Variants in SEMA3E observed in about 807,000 individuals in gnomAD.
SEMA3E encodes the protein semaphorin-3E.
A neutral mutation model predicts 93.6 loss-of-function variants in SEMA3E; 49 were observed. That is an observed-to-expected ratio of 0.52 (90% confidence interval 0.42 to 0.66). The LOEUF (loss-of-function observed/expected upper bound fraction) is 0.66. Among genes scored for constraint, SEMA3E ranks in the 30% least tolerant of loss-of-function variants. The pLI is 0.00. For synonymous variants in SEMA3E, 363 were observed against 330.7 expected, an observed-to-expected ratio of 1.10 and a Z score of -1.06; for missense variants, 906 against 964.8, an observed-to-expected ratio of 0.94 and a Z score of 0.81.
At chr7:83,501,975 C>A (rs1790606119) in intron 1 of SEMA3E, among the ~76,000 whole-genome samples, 1 of 152,088 alleles carries the variant, frequency 6.6e-6, no homozygotes, top group African/African-American at 2.4e-5. Context: ...CTTGAGCAGC[C>A]AAGTCCTAAT....
chr7:83,631,331 C>T (rs1345752326), intron 1 of SEMA3E, among the ~76,000 whole-genome samples: 1 of 151,942 alleles, frequency 6.6e-6, no homozygotes, highest in Non-Finnish European at 1.5e-5. Flanking sequence ...CTACATCATC[C>T]AGGGAAGCCA....
rs1222362716 is a variant in SEMA3E, at chr7:83,421,488, TA to T, written c.457-3006del. Among the ~76,000 whole-genome samples, 61 of 123,246 alleles carry T rather than the reference TA, an allele frequency of 4.9e-4. 9 individuals are homozygous for T. The highest frequency in any genetic ancestry group is 1.5e-3 in the African/African-American group (56 of 37,900). 80.9% of individuals were successfully genotyped at this position (123,246 alleles called of 152,430 possible). On this transcript the variant is annotated intron_variant, in intron 4 of 16. Coordinates refer to ENST00000643230, the MANE Select transcript of SEMA3E (RefSeq NM_012431.3). ...TTAAGTATACTACAAGTGGTGTGGG[TA>T]AAAAAAGTAGTTTAGAAAAGTGACA...
chr7:83,399,176 T>C (rs921753576), intron 11 of SEMA3E, among the ~76,000 whole-genome samples: 10 of 152,160 alleles, frequency 6.6e-5, no homozygotes, highest in African/African-American at 2.2e-4. Context: ...AATTATACTA[T>C]GCTGAATAAG....
chr7:83,609,296 G>GA (rs1279909901), intron 1 of SEMA3E, among the ~76,000 whole-genome samples: 1 of 151,786 alleles, frequency 6.6e-6, no homozygotes, highest in African/African-American at 2.4e-5. Context: ...ACATTTACTA[G>GA]AAAAAAATTA....
rs1794696118 is a variant in SEMA3E at position 83,367,888 on chromosome 7, C to T, written c.2026G>A (p.Glu676Lys). 3.1e-6 allele frequency: 5 copies of T among 1,610,812 alleles called. No homozygotes were observed. Among genetic ancestry groups the T allele is most frequent in the Non-Finnish European group, 4.2e-6 (5 of 1,177,782 alleles). The part of the protein sequence containing the change: ...RKITLEVVEE[E>K]KVEDMFNKDD... ...TTGTTAAACATATCCTCGACTTTCT[C>T]CTCTTCCACTACCTCCAAGGTGATT... Residue 676 changes from glutamate (E) to lysine (K), a missense_variant, in exon 17 of 17, where the codon GAG (glutamate) becomes AAG (lysine). Transcript: ENST00000643230.
rs369037748 is a variant in SEMA3E at position 83,439,771 on chromosome 7, G to T, written c.457-21288C>A. On this transcript the variant is annotated intron_variant, in intron 4 of 16. Coordinates refer to ENST00000643230, the MANE Select transcript of SEMA3E (RefSeq NM_012431.3). ...GACACAAAAATTAGCTTATACTACA[G>T]AAGCAAAAGAGACATTATAATATCC... Among the ~76,000 whole-genome samples the T allele has an allele frequency of 3.3e-4, 50 of 152,236 alleles. 1 individual carries two copies. Among genetic ancestry groups the T allele is most frequent in the African/African-American group, 1.2e-3 (48 of 41,546 alleles).
chr7:83,431,492 C>T (rs1391533406), intron 4 of SEMA3E, among the ~76,000 whole-genome samples: 1 of 151,996 alleles, frequency 6.6e-6, no homozygotes, highest in African/African-American at 2.4e-5. Context: ...TACAACCTCC[C>T]CCTCCCAGGT....
At chr7:83,565,747 G>GA (rs1416026198) in intron 1 of SEMA3E, among the ~76,000 whole-genome samples, 1 of 151,998 alleles carries the variant, frequency 6.6e-6, no homozygotes, top group Non-Finnish European at 1.5e-5. Flanking sequence ...ACATTGTCCA[G>GA]AAAAAACAGC....
intron 5 of SEMA3E, among the ~76,000 whole-genome samples, chr7:83,416,923 A>C (rs1788553312): frequency 6.6e-6 from 1 of 150,770 alleles, no homozygotes; most frequent in African/African-American, 2.4e-5. Flanking sequence ...ACCAAGTCTA[A>C]CCTGACTTAG....
intron 4 of SEMA3E, among the ~76,000 whole-genome samples, chr7:83,436,682 G>A (rs762003757): frequency 6.6e-6 from 1 of 151,880 alleles, no homozygotes; most frequent in African/African-American, 2.4e-5. Context: ...TTTGCAAGCA[G>A]ATATTTTATA....
intron 1 of SEMA3E, among the ~76,000 whole-genome samples, chr7:83,619,924 CAGAT>C (rs34402830): frequency 9.2e-4 from 132 of 143,980 alleles, no homozygotes; most frequent in Middle Eastern, 3.6e-3. Context: ...GATAGATAGA[CAGAT>C]AGATAGATAG....
chr7:83,581,942 C>T (rs73380750), intron 1 of SEMA3E, among the ~76,000 whole-genome samples: 2,731 of 151,962 alleles, frequency 0.018, 82 homozygotes, highest in African/African-American at 0.063. Flanking sequence ...GAATTAACCT[C>T]AAAATACTAA....
intron 4 of SEMA3E, among the ~76,000 whole-genome samples, chr7:83,432,516 A>C (rs1250545063): frequency 1.3e-5 from 2 of 152,206 alleles, no homozygotes. Flanking sequence ...AATAACTGTC[A>C]AAGGTCTTAA....
chr7:83,376,357 T>C (rs1012922505), intron 16 of SEMA3E, among the ~76,000 whole-genome samples: 4 of 152,098 alleles, frequency 2.6e-5, no homozygotes, highest in Non-Finnish European at 4.4e-5. Context: ...TTCATAATTC[T>C]CCTAGCTTCG....
At chr7:83,403,604 T>C (rs954365276) in intron 9 of SEMA3E, among the ~76,000 whole-genome samples, 2 of 151,992 alleles carry the variant, frequency 1.3e-5, no homozygotes, top group African/African-American at 4.8e-5. Flanking sequence ...TATAACATTA[T>C]CAGAATCTCT....
chr7:83,506,484 T>C (rs952221950), intron 1 of SEMA3E, among the ~76,000 whole-genome samples: 1 of 151,928 alleles, frequency 6.6e-6, no homozygotes, highest in East Asian at 1.9e-4. Flanking sequence ...CGGGGGCTTA[T>C]GGTGTGGATG....
chr7:83,542,436 T>C (rs1791556112), intron 1 of SEMA3E, among the ~76,000 whole-genome samples: 1 of 152,148 alleles, frequency 6.6e-6, no homozygotes, highest in Non-Finnish European at 1.5e-5. Context: ...TCATTGAAAG[T>C]GAATATTTTC....
In SEMA3E at chr7:83,400,053, T is replaced by C. The variant is rs149235216; in HGVS notation, c.1341A>G (p.Gln447=). The C allele has an allele frequency of 9.9e-6, 16 of 1,613,750 alleles. No individual in the cohort carries two copies. The highest frequency in any genetic ancestry group is 3.3e-5 in the Admixed American group (2 of 60,014). The change falls in exon 11 of 17, where the codon CAA becomes CAG. Residue 447 remains glutamine (Q), a synonymous_variant. Coordinates refer to ENST00000643230, the MANE Select transcript of SEMA3E (RefSeq NM_012431.3). Reference sequence around the variant, plus strand: ...CTGTCCCAATAAACAAGACGTCATATTGGCCATCCTCAGCTTCCACTCGAT... The same window carrying C: ...CTGTCCCAATAAACAAGACGTCATACTGGCCATCCTCAGCTTCCACTCGAT... The part of the protein sequence containing the change: ...AVDRVEAEDG[Q]YDVLFIGTDN...
chr7:83,516,274 C>A (rs760793902), intron 1 of SEMA3E, among the ~76,000 whole-genome samples: 66 of 152,182 alleles, frequency 4.3e-4, no homozygotes, highest in Non-Finnish European at 7.9e-4. Flanking sequence ...AGTTTCCCTC[C>A]TTTAAAGTGA....
Sources: gnomAD v4.1 joint callset for allele counts (sites outside exome capture counted in the v4.1 genomes callset) on GRCh38, gnomAD v4.1.1 for gene constraint, MANE v1.5 for transcripts, NCBI Gene and HGNC (gene_info 2026-07-23, HGNC 2026-07-21) for gene names.